TBCCD1: variants seen among roughly 807,000 people sequenced by gnomAD.
TBCCD1 encodes the protein TBCC domain-containing protein 1.
Under a neutral mutation model 53.4 loss-of-function variants are expected in TBCCD1, and 26 were observed. That is an observed-to-expected ratio of 0.49 (90% CI 0.36 to 0.68). The LOEUF is 0.68. Among genes scored for constraint, TBCCD1 ranks in the 30% least tolerant of loss-of-function variants. The pLI is 0.00. For missense variants in TBCCD1, 558 were observed against 669.5 expected, an observed-to-expected ratio of 0.83 and a Z score of 1.84; for synonymous variants, 245 against 241.7, an observed-to-expected ratio of 1.01 and a Z score of -0.13.
chr3:186,556,887 T>C, intron 3 of TBCCD1, 112 bp from the exon 4 acceptor site: 1 of 1,305,676 alleles, frequency 7.7e-7, no homozygotes, highest in South Asian at 1.5e-5. Flanking sequence ...CAAAAGGAAT[T>C]AGGTAGTTAT....
rs146369210 is a variant in TBCCD1 at position 186,558,682 on chromosome 3, A to G, written c.337-110T>C. Reference sequence around the variant, plus strand: ...CAAGTTGGCTGATCCTAAAAAAACCAACTTAGAAACATTGCCAGTTTTGAT... The same window carrying G: ...CAAGTTGGCTGATCCTAAAAAAACCGACTTAGAAACATTGCCAGTTTTGAT... On this transcript the variant is annotated intron_variant, in intron 2 of 7. Coordinates refer to ENST00000338733, the MANE Select transcript of TBCCD1 (RefSeq NM_018138.5). 2.5e-4 allele frequency: 292 copies of G among 1,168,004 alleles called. No individual in the cohort carries two copies. In the African/African-American group the frequency reaches 4.0e-3, roughly 16 times the overall value. 72.4% of individuals were successfully genotyped at this position (1,168,004 alleles called of 1,614,324 possible). A position where few individuals can be genotyped will look rare whatever the true frequency, so the allele number is the denominator to read the frequency against.
chr3:186,568,639 G>T (rs558225217), upstream of TBCCD1, among the ~76,000 whole-genome samples: 7 of 152,284 alleles, frequency 4.6e-5, no homozygotes, highest in Non-Finnish European at 5.9e-5. Flanking sequence ...GGTGGCTCAT[G>T]CCTATAATCC....
At chr3:186,559,189 C>CA (rs1253423217) in intron 2 of TBCCD1, among the ~76,000 whole-genome samples, 1 of 151,878 alleles carries the variant, frequency 6.6e-6, no homozygotes, top group African/African-American at 2.4e-5. Context: ...TTTAAACTTA[C>CA]AATTTAAAAA....
chr3:186,567,861 CG>C (rs1315162208), upstream of TBCCD1, among the ~76,000 whole-genome samples: 1 of 152,210 alleles, frequency 6.6e-6, no homozygotes, highest in Non-Finnish European at 1.5e-5. Flanking sequence ...CACTCCCTGC[CG>C]CCCCTCGGTG....
At chr3:186,565,640 G>A (rs1199658558) in intron 1 of TBCCD1, among the ~76,000 whole-genome samples, 1 of 152,134 alleles carries the variant, frequency 6.6e-6, no homozygotes, top group Non-Finnish European at 1.5e-5. Context: ...TAATGGGTAC[G>A]TGGGGGGCTC....
At chr3:186,550,490 G>A (rs1714340214) in intron 7 of TBCCD1, among the ~76,000 whole-genome samples, 1 of 151,746 alleles carries the variant, frequency 6.6e-6, no homozygotes, top group Non-Finnish European at 1.5e-5. Context: ...GGAGACTGAG[G>A]TGCGAGAATC....
intron 6 of TBCCD1, among the ~76,000 whole-genome samples, 158 bp downstream of exon 6, chr3:186,554,096 C>T (rs1313839748): frequency 2.0e-5 from 3 of 152,244 alleles, no homozygotes; most frequent in Non-Finnish European, 4.4e-5. Flanking sequence ...GATCCACCCA[C>T]CTCGGCCTCC....
At chr3:186,560,552 C>T (rs532828333) in intron 2 of TBCCD1, among the ~76,000 whole-genome samples, 2 of 152,268 alleles carry the variant, frequency 1.3e-5, no homozygotes, top group East Asian at 3.9e-4. Flanking sequence ...TAATAAAACT[C>T]TCAAAAGAAA....
chr3:186,557,355 G>C (rs1459991517), intron 3 of TBCCD1, among the ~76,000 whole-genome samples: 1 of 152,212 alleles, frequency 6.6e-6, no homozygotes, highest in Admixed American at 6.5e-5. Context: ...ATAAATGATA[G>C]AGGCAGAAAT....
intron 2 of TBCCD1, 130 bp downstream of exon 2, chr3:186,563,864 G>C (rs1714750093): frequency 8.6e-7 from 1 of 1,165,574 alleles, no homozygotes; most frequent in South Asian, 1.7e-5. Flanking sequence ...GGGAGTTCAA[G>C]ACCAGCCTGG....
rs2108456956 is a variant in TBCCD1, at chr3:186,554,500, G to A, written c.1298C>T (p.Thr433Ile). 2 of 1,614,250 alleles carry A rather than the reference G, an allele frequency of 1.2e-6. No homozygotes were observed. Among genetic ancestry groups the A allele is most frequent in the Non-Finnish European group, 1.7e-6 (2 of 1,180,054 alleles). ...YPMLEDHMAR[T>I]GLATVPNYWD... ...ATAGTTAGGCACTGTAGCAAGGCCA[G>A]TCCTGGCCATATGGTCCTCTAGCAT... Residue 433 changes from threonine (T) to isoleucine (I), a missense_variant, in exon 6 of 8, where the codon ACT becomes ATT. Transcript: ENST00000338733.
At position 186,564,221 on chromosome 3, in the gene TBCCD1, A is replaced by T. The variant is rs1414172189; in HGVS notation, c.109T>A (p.Ser37Thr). Residue 37 changes from serine to threonine, a missense_variant, in exon 2 of 8, where the codon TCC (serine) becomes ACC (threonine). Coordinates refer to ENST00000338733, the MANE Select transcript of TBCCD1 (RefSeq NM_018138.5). ...GTGGCCCGGATTTGCACATAGGTGG[A>T]TATCTTCCTGAGATAGTGAAGACTA... ...KFSLHYLRKISTYVQIRATEG... is the reference protein window; with the variant it reads ...KFSLHYLRKITTYVQIRATEG... 1 of 1,614,182 alleles carries T rather than the reference A, an allele frequency of 6.2e-7. No homozygotes were observed. The highest frequency in any genetic ancestry group is 1.1e-5 in the South Asian group (1 of 91,084).
Position 186,546,195 on chromosome 3 carries a change from C to T in TBCCD1, c.*782G>A, listed in dbSNP as rs1714198589. ...ATAAAACTATTTCTATGTCTATATA[C>T]CAACAAATCATACTTCCTTTCCAAT... On this transcript the variant is annotated 3_prime_UTR_variant, in exon 8 of 8. Transcript: ENST00000338733. 6.6e-6 allele frequency: 1 copy of T among 152,058 alleles called. No homozygotes were observed. Among genetic ancestry groups the T allele is most frequent in the Non-Finnish European group, 1.5e-5 (1 of 68,006 alleles). The allele number at this position is 152,058 out of a possible 1,614,324, so 9.4% of individuals were successfully genotyped here. A position where few individuals can be genotyped will look rare whatever the true frequency, so the allele number is the denominator to read the frequency against.
chr3:186,550,822 A>G (rs982485044), intron 7 of TBCCD1, among the ~76,000 whole-genome samples: 1 of 152,200 alleles, frequency 6.6e-6, no homozygotes, highest in East Asian at 1.9e-4. Flanking sequence ...GAAAAGGAGA[A>G]TAAAACTTAG....
intron 3 of TBCCD1, among the ~76,000 whole-genome samples, chr3:186,557,768 AAGG>A (rs1182576919): frequency 6.6e-6 from 1 of 152,214 alleles, no homozygotes; most frequent in Non-Finnish European, 1.5e-5. Flanking sequence ...ACTTATTAAA[AAGG>A]AGATTAGAAA....
At chr3:186,548,542 T>C (rs1181883419) in intron 7 of TBCCD1, among the ~76,000 whole-genome samples, 1 of 152,226 alleles carries the variant, frequency 6.6e-6, no homozygotes, top group Non-Finnish European at 1.5e-5. Context: ...TGGTAATATT[T>C]TATCTCAATA....
intron 2 of TBCCD1, among the ~76,000 whole-genome samples, chr3:186,559,824 T>C (rs1714644321): frequency 6.6e-6 from 1 of 152,160 alleles, no homozygotes; most frequent in Non-Finnish European, 1.5e-5. Context: ...TATAGGACAA[T>C]ATCACAATCA....
intron 3 of TBCCD1, among the ~76,000 whole-genome samples, chr3:186,557,950 C>A (rs774566789): frequency 6.6e-6 from 1 of 152,048 alleles, no homozygotes; most frequent in Non-Finnish European, 1.5e-5. Context: ...AAGAAAAAAG[C>A]AATAAGACAT....
chr3:186,559,624 A>T (rs1714639301), intron 2 of TBCCD1, among the ~76,000 whole-genome samples: 1 of 152,206 alleles, frequency 6.6e-6, no homozygotes, highest in African/African-American at 2.4e-5. Flanking sequence ...CATCTGAGAA[A>T]CTTAAAAGTA....
Sources: allele counts gnomAD v4.1 joint callset (sites outside exome capture counted in the v4.1 genomes callset), GRCh38; gene constraint gnomAD v4.1.1; transcripts MANE v1.5; gene names NCBI Gene and HGNC (gene_info 2026-07-23, HGNC 2026-07-21).